The following SPDYE5 variants were observed in gnomAD, a reference collection of about 807,000 sequenced individuals.
The protein encoded by SPDYE5 is speedy/RINGO cell cycle regulator family member E5, also known as speedy protein E5.
SPDYE5 carries 15 observed loss-of-function variants against 48.5 expected under a neutral mutation model. That is an observed-to-expected ratio of 0.31 (90% CI 0.21 to 0.48). SPDYE5 has a LOEUF of 0.48. Among genes scored for constraint, SPDYE5 ranks in the 20% least tolerant of loss-of-function variants. The pLI is 0.99. For synonymous variants in SPDYE5, 116 were observed against 200.7 expected (o/e 0.58, Z 3.57); for missense variants, 331 against 549.1 (o/e 0.60, Z 3.97).
intron 5 of SPDYE5, among the ~76,000 whole-genome samples, chr7:75,498,677 T>TGCCCA (rs1387132660): frequency 1.3e-5 from 2 of 152,178 alleles, no homozygotes; most frequent in African/African-American, 2.4e-5. Context: ...CTAGAACTGT[T>TGCCCA]GGGCTCACAT....
chr7:75,492,553 T>A (rs62477717), intron 1 of SPDYE5, among the ~76,000 whole-genome samples, 112 bp downstream of exon 1: 2 of 151,442 alleles, frequency 1.3e-5, no homozygotes, highest in South Asian at 2.1e-4. Flanking sequence ...ATTCTCCAGC[T>A]CCCTCTCCTG....
At chr7:75,492,829 T>G (rs1346198592) in intron 1 of SPDYE5, among the ~76,000 whole-genome samples, 1 of 152,168 alleles carries the variant, frequency 6.6e-6, no homozygotes, top group East Asian at 1.9e-4. Context: ...AATATCTTGC[T>G]GTGTTGCCCA....
rs1479978060 is a variant in SPDYE5, at chr7:75,501,282, C to T, written c.756-80C>T. 22 of 1,602,786 alleles carry T rather than the reference C, an allele frequency of 1.4e-5. 1 individual carries two copies. In the African/African-American group the frequency reaches 1.6e-4, roughly 12 times the overall value. ...TCCTGAGCTAGGGACGGTCCCTTAC[C>T]TTCCTCTCTGGGAAGCTGACCTCAG... On this transcript the variant is annotated intron_variant, in intron 6 of 8. Coordinates refer to ENST00000625065, the MANE Select transcript of SPDYE5 (RefSeq NM_001306141.4).
rs1348718673 is a variant in SPDYE5 at position 75,504,039 on chromosome 7, G to A, written c.*1252G>A. The stretch of plus-strand genomic sequence containing the variant: ...GCTGAAGGGAGCATGGTTTTTATCT[G>A]TGATACTTAGTTAACATATATATTA... On this transcript the variant is annotated 3_prime_UTR_variant, in exon 9 of 9. Coordinates refer to ENST00000625065, the MANE Select transcript of SPDYE5 (RefSeq NM_001306141.4). The A allele has an allele frequency of 6.6e-6, 1 of 151,934 alleles. No homozygotes were observed. The highest frequency in any genetic ancestry group is 1.5e-5 in the Non-Finnish European group (1 of 67,984). 9.4% of individuals were successfully genotyped at this position (151,934 alleles called of 1,614,324 possible). A position where few individuals can be genotyped will look rare whatever the true frequency, so the allele number is the denominator to read the frequency against.
At chr7:75,492,737 C>T (rs2116589024) in intron 1 of SPDYE5, among the ~76,000 whole-genome samples, 1 of 152,164 alleles carries the variant, frequency 6.6e-6, no homozygotes, top group East Asian at 1.9e-4. Flanking sequence ...CTGAGCCCAG[C>T]CGGGAACCCA....
At chr7:75,499,546 C>T (rs1270593159) in intron 6 of SPDYE5, among the ~76,000 whole-genome samples, 1 of 152,036 alleles carries the variant, frequency 6.6e-6, no homozygotes, top group Non-Finnish European at 1.5e-5. Context: ...GCAGGCGGAT[C>T]ACCTGAGGTC....
intron 8 of SPDYE5, among the ~76,000 whole-genome samples, chr7:75,502,343 G>A (rs1377251812): frequency 6.6e-6 from 1 of 151,534 alleles, no homozygotes; most frequent in Non-Finnish European, 1.5e-5. Flanking sequence ...CGAGGGTTCA[G>A]TGAAGCTTTG....
rs377408040 is a variant in SPDYE5, at chr7:75,502,450, G to A, written c.*46-383G>A. Among the ~76,000 whole-genome samples, 213 of 152,240 alleles carry A rather than the reference G, an allele frequency of 1.4e-3. 1 individual carries two copies. In the East Asian group the frequency reaches 0.021, roughly 15 times the overall value. On this transcript the variant is annotated intron_variant, in intron 8 of 8. Transcript: ENST00000625065. ...GATTAGGCTTCTGGACTCGTGGTTC[G>A]TGATGTTGTCACATTAGAAACACAT...
At chr7:75,500,164 T>C (rs1291986132) in intron 6 of SPDYE5, among the ~76,000 whole-genome samples, 1 of 134,550 alleles carries the variant, frequency 7.4e-6, no homozygotes, top group African/African-American at 2.8e-5. Context: ...CCTTAGCTGA[T>C]GCCTTTCTCT....
chr7:75,501,125 A>G (rs3973244), intron 6 of SPDYE5, among the ~76,000 whole-genome samples: 10 of 152,148 alleles, frequency 6.6e-5, no homozygotes, highest in African/African-American at 2.2e-4. Context: ...GATTCCAGGC[A>G]TAAGCCACCA....
Position 75,495,232 on chromosome 7 carries a change from G to A in SPDYE5, c.237G>A (p.Ala79=), listed in dbSNP as rs117738329. 8.8e-3 allele frequency: 14,114 copies of A among 1,597,218 alleles called. 945 individuals are homozygous for A. The Admixed American group carries it at 0.12, about 14-fold the overall frequency. Residue 79 remains alanine (A), a synonymous_variant, in exon 3 of 9, where the codon GCG becomes GCA. Coordinates refer to ENST00000625065, the MANE Select transcript of SPDYE5 (RefSeq NM_001306141.4). ...AGAGGGAGTGGTCAGATGAATCTGC[G>A]GAGGAGCCGGAGAAGGAGCTCGCCC... is the stretch of plus-strand genomic sequence containing the variant. ...KRKREWSDES[A]EEPEKELAPE...
chr7:75,495,137 G>A lies in SPDYE5; in HGVS notation c.161-19G>A, dbSNP rs1432081464. 21 of 1,586,496 alleles carry A rather than the reference G, an allele frequency of 1.3e-5. No individual in the cohort carries two copies. The East Asian group carries it at 4.7e-4, about 36-fold the overall frequency. On this transcript the variant is annotated intron_variant, in intron 2 of 8. Transcript: ENST00000625065. ...TCAGATGCAGAAGCATTACACGGTG[G>A]CCTGGTTTCTTTACTCAGCCCCTGG...
At chr7:75,501,780 G>A (rs1793169106) in intron 7 of SPDYE5, 25 bp downstream of exon 7, 1 of 1,590,082 alleles carries the variant, frequency 6.3e-7, no homozygotes, top group Non-Finnish European at 8.5e-7. Context: ...GGGAGGTGGA[G>A]GAGGTGGGGA....
intron 3 of SPDYE5, among the ~76,000 whole-genome samples, chr7:75,496,105 A>C (rs1284148668): frequency 4.0e-5 from 6 of 149,624 alleles, no homozygotes; most frequent in Non-Finnish European, 7.4e-5. Flanking sequence ...GGAGGTACTG[A>C]GGCAGGGTGC....
chr7:75,500,801 T>A (rs1372990681), intron 6 of SPDYE5, among the ~76,000 whole-genome samples: 1 of 152,134 alleles, frequency 6.6e-6, no homozygotes, highest in Non-Finnish European at 1.5e-5. Flanking sequence ...CTCCGCCTCC[T>A]GGGTTCACAC....
Position 75,501,445 on chromosome 7 carries a change from G to A in SPDYE5, c.839G>A (p.Arg280His), listed in dbSNP as rs370350843. 25 of 1,610,522 alleles carry A rather than the reference G, an allele frequency of 1.6e-5. No homozygotes were observed. Among genetic ancestry groups the A allele is most frequent in the African/African-American group, 2.7e-5 (2 of 74,660 alleles). Residue 280 changes from arginine (R) to histidine (H), a missense_variant, in exon 7 of 9, where the codon CGC (arginine) becomes CAC (histidine). By Grantham distance (29) the Arg-to-His change is conservative. Transcript: ENST00000625065. ...TTCCTGTATGGGAAGAACCGCTCTC[G>A]CATACCCTTGCTCCGTAAGCGTTGG... Reference protein sequence around the residue: ...FHFLYGKNRSRIPLLRKRWFQ... With the variant: ...FHFLYGKNRSHIPLLRKRWFQ...
At position 75,495,433 on chromosome 7, in the gene SPDYE5, C is replaced by T. The variant is rs1176713931; in HGVS notation, c.379+59C>T. The T allele has an allele frequency of 4.4e-6, 7 of 1,585,128 alleles. No individual in the cohort carries two copies. In the African/African-American group the frequency reaches 6.7e-5, roughly 15 times the overall value. On this transcript the variant is annotated intron_variant, in intron 3 of 8. Transcript: ENST00000625065. ...TGTTCTTTCTAAAAAGAGGAAACTT[C>T]CAATAACCACACTTTTCCAATGGGA...
rs782030708 is a variant in SPDYE5, at chr7:75,501,720, G to C, written c.1114G>C (p.Gly372Arg). 1.1e-5 allele frequency: 17 copies of C among 1,613,232 alleles called. No individual in the cohort carries two copies. Among genetic ancestry groups the C allele is most frequent in the Non-Finnish European group, 1.4e-5 (17 of 1,180,020 alleles). The change falls in exon 7 of 9, where the codon GGC becomes CGC. Residue 372 changes from glycine (G) to arginine (R), a missense_variant. Physicochemically the swap from Gly to Arg is moderately radical, Grantham distance 125. Transcript: ENST00000625065. ...GTTCCAGTTCTTCTGTTCCATGAGC[G>C]GCAGGGCTTGGGTTTCCCCGGAGGA... ...RRFQFFCSMS[G>R]RAWVSPEELE...
chr7:75,492,336 C>T lies in SPDYE5; in HGVS notation c.-527C>T, dbSNP rs1792765612. Among the ~76,000 whole-genome samples, 1 of 152,104 alleles carries T rather than the reference C, an allele frequency of 6.6e-6. No individual in the cohort carries two copies. Among genetic ancestry groups the T allele is most frequent in the African/African-American group, 2.4e-5 (1 of 41,420 alleles). On this transcript the variant is annotated 5_prime_UTR_variant, in exon 1 of 9. It introduces an in-frame stop codon into an upstream open reading frame of the 5' UTR. Transcript: ENST00000625065. ...GAGCTTCCTAACAATGGGACTTCCA[C>T]AGCAATGGGATCTGCTTCCTCTTTC...
Sources: allele counts gnomAD v4.1 joint callset (sites outside exome capture counted in the v4.1 genomes callset), GRCh38; gene constraint gnomAD v4.1.1; transcripts MANE v1.5; gene names NCBI Gene and HGNC (gene_info 2026-07-23, HGNC 2026-07-21).